Variants in LPAR3 observed in about 807,000 individuals in gnomAD.
The protein encoded by LPAR3 is lysophosphatidic acid receptor 3.
LPAR3 carries 7 observed loss-of-function variants against 17.8 expected under a neutral mutation model. The observed-to-expected ratio is 0.39, with a 90% CI of 0.22 to 0.74. LPAR3 has a LOEUF of 0.74. Among genes scored for constraint, LPAR3 ranks in the 30% least tolerant of loss-of-function variants. The probability of loss-of-function intolerance (pLI) is 0.40; values close to 1 mark genes in which losing one functional copy is unlikely to be tolerated. For synonymous variants in LPAR3, 179 were observed against 179.9 expected, an observed-to-expected ratio of 0.99 and a Z score of 0.04; for missense variants, 391 against 453.4, an observed-to-expected ratio of 0.86 and a Z score of 1.25.
At chr1:84,887,127 G>T (rs1364953037) in intron 1 of LPAR3, among the ~76,000 whole-genome samples, 1 of 152,084 alleles carries the variant, frequency 6.6e-6, no homozygotes, top group African/African-American at 2.4e-5. Context: ...CACTTTGGGA[G>T]GCCAAGGCAG....
chr1:84,865,257 C>T lies in LPAR3; in HGVS notation c.736+128G>A, dbSNP rs970998946. On this transcript the variant is annotated intron_variant, in intron 2 of 2. Coordinates refer to ENST00000370611, the MANE Select transcript of LPAR3 (RefSeq NM_012152.3). ...TAGAGTGTAAGCTCCAGGTGGGTGG[C>T]GATTTATGTCCGTTCTTGTTCACTG... 2.3e-4 allele frequency: 236 copies of T among 1,009,106 alleles called. 1 individual carries two copies. Among genetic ancestry groups the T allele is most frequent in the Middle Eastern group, 2.2e-4 (1 of 4,516 alleles). The allele number at this position is 1,009,106 out of a possible 1,614,324, so 62.5% of individuals were successfully genotyped here.
chr1:84,892,807 G>A (rs553343481), intron 1 of LPAR3, among the ~76,000 whole-genome samples: 2 of 152,350 alleles, frequency 1.3e-5, no homozygotes, highest in East Asian at 3.9e-4. Context: ...GGAAAAAGGT[G>A]GGAAAAGAGC....
In LPAR3 at chr1:84,813,160, G is replaced by GT. The variant is rs1658853769; in HGVS notation, c.*685_*686insA. 1 of 99,526 alleles carries GT rather than the reference G, an allele frequency of 1.0e-5. No homozygotes were observed. Among genetic ancestry groups the GT allele is most frequent in the African/African-American group, 4.4e-5 (1 of 22,608 alleles). 6.2% of individuals were successfully genotyped at this position (99,526 alleles called of 1,614,324 possible). The stretch of plus-strand genomic sequence containing the variant: ...ATATATATATATATATATATATATA[G>GT]ACACACACACACACACACACACACA... On this transcript the variant is annotated 3_prime_UTR_variant, in exon 3 of 3. Coordinates refer to ENST00000370611, the MANE Select transcript of LPAR3 (RefSeq NM_012152.3).
chr1:84,854,284 C>T (rs1276376955), intron 2 of LPAR3, among the ~76,000 whole-genome samples: 2 of 152,208 alleles, frequency 1.3e-5, no homozygotes, highest in African/African-American at 2.4e-5. Flanking sequence ...CCTTTCCTCT[C>T]CACCTGTTAC....
intron 2 of LPAR3, among the ~76,000 whole-genome samples, chr1:84,863,555 G>T (rs1436862447): frequency 6.6e-6 from 1 of 152,156 alleles, no homozygotes; most frequent in African/African-American, 2.4e-5. Context: ...TTACACTGGA[G>T]GGCCTGCCCT....
chr1:84,883,387 T>C (rs1049472746), intron 1 of LPAR3, among the ~76,000 whole-genome samples: 2 of 152,198 alleles, frequency 1.3e-5, no homozygotes, highest in Non-Finnish European at 2.9e-5. Context: ...CACTAGCTGG[T>C]GTTTTTCATT....
At position 84,813,158 on chromosome 1, in the gene LPAR3, T is replaced by TATATATATAGAGAGAGAGAGAGAGAG. The variant is rs1206774677; in HGVS notation, c.*687_*688insCTCTCTCTCTCTCTCTCTATATATAT. The TATATATATAGAGAGAGAGAGAGAGAG allele has an allele frequency of 5.9e-5, 6 of 101,668 alleles. No individual in the cohort carries two copies. Among genetic ancestry groups the TATATATATAGAGAGAGAGAGAGAGAG allele is most frequent in the Non-Finnish European group, 1.3e-4 (6 of 47,316 alleles). 6.3% of individuals were successfully genotyped at this position (101,668 alleles called of 1,614,324 possible). A position where few individuals can be genotyped will look rare whatever the true frequency, so the allele number is the denominator to read the frequency against. On this transcript the variant is annotated 3_prime_UTR_variant, in exon 3 of 3. Transcript: ENST00000370611. ...ATATATATATATATATATATATATA[T>TATATATATAGAGAGAGAGAGAGAGAG]AGACACACACACACACACACACACA...
chr1:84,873,935 T>C (rs972614418), intron 1 of LPAR3, among the ~76,000 whole-genome samples: 3 of 152,122 alleles, frequency 2.0e-5, no homozygotes, highest in Admixed American at 6.5e-5. Context: ...GTATTATTAG[T>C]AGAGACGGGG....
chr1:84,819,878 C>G (rs1659016985), intron 2 of LPAR3, among the ~76,000 whole-genome samples: 1 of 152,160 alleles, frequency 6.6e-6, no homozygotes, highest in Non-Finnish European at 1.5e-5. Flanking sequence ...ATCTCTTCCA[C>G]CACAGTGTCC....
At chr1:84,891,388 C>T (rs916581835) in intron 1 of LPAR3, among the ~76,000 whole-genome samples, 3 of 152,186 alleles carry the variant, frequency 2.0e-5, no homozygotes, top group Non-Finnish European at 4.4e-5. Flanking sequence ...CTTGCTGTCT[C>T]AAGGCACAAG....
At chr1:84,882,628 T>G (rs1660386916) in intron 1 of LPAR3, among the ~76,000 whole-genome samples, 1 of 152,150 alleles carries the variant, frequency 6.6e-6, no homozygotes, top group Non-Finnish European at 1.5e-5. Flanking sequence ...TGGCATAAAG[T>G]CCAACATATA....
At chr1:84,858,261 C>A (rs1478056710) in intron 2 of LPAR3, among the ~76,000 whole-genome samples, 1 of 152,056 alleles carries the variant, frequency 6.6e-6, no homozygotes, top group African/African-American at 2.4e-5. Flanking sequence ...ATGGGCAGAT[C>A]ACTTGAGGCC....
In LPAR3 at chr1:84,859,029, G is replaced by A. The variant is rs185958373; in HGVS notation, c.736+6356C>T. On this transcript the variant is annotated intron_variant, in intron 2 of 2. Transcript: ENST00000370611. ...CTTAAAGAGACAAAATGGGGGAAGCGCAAATAATTCATTATAGCTTGAGTA... is the reference window on the plus strand; with the variant it reads ...CTTAAAGAGACAAAATGGGGGAAGCACAAATAATTCATTATAGCTTGAGTA... 1.8e-4 allele frequency among the ~76,000 whole-genome samples: 27 copies of A among 152,302 alleles called. No homozygotes were observed. In the East Asian group the frequency reaches 4.6e-3, roughly 26 times the overall value.
chr1:84,882,353 G>A (rs1181908912), intron 1 of LPAR3, among the ~76,000 whole-genome samples: 1 of 151,964 alleles, frequency 6.6e-6, no homozygotes, highest in Non-Finnish European at 1.5e-5. Flanking sequence ...ACAAATAGAG[G>A]TAAATACATT....
intron 2 of LPAR3, among the ~76,000 whole-genome samples, chr1:84,824,570 C>T (rs890051126): frequency 6.6e-6 from 1 of 152,164 alleles, no homozygotes; most frequent in African/African-American, 2.4e-5. Flanking sequence ...ATCAGATCAC[C>T]TTCCTGGGCC....
intron 1 of LPAR3, among the ~76,000 whole-genome samples, chr1:84,883,511 A>G (rs1660401704): frequency 6.6e-6 from 1 of 152,234 alleles, no homozygotes; most frequent in South Asian, 2.1e-4. Context: ...TACTTCCTCT[A>G]AACCACTCCT....
chr1:84,870,968 C>A (rs1660148693), intron 1 of LPAR3, among the ~76,000 whole-genome samples: 1 of 152,182 alleles, frequency 6.6e-6, no homozygotes, highest in Admixed American at 6.5e-5. Context: ...AGAGGGCATT[C>A]TAAATAGCCT....
At chr1:84,874,098 C>T (rs140611545) in intron 1 of LPAR3, among the ~76,000 whole-genome samples, 1 of 152,294 alleles carries the variant, frequency 6.6e-6, no homozygotes, top group Non-Finnish European at 1.5e-5. Flanking sequence ...TTGCTCTGAT[C>T]TGGATCCTGT....
intron 1 of LPAR3, among the ~76,000 whole-genome samples, chr1:84,892,237 A>G (rs933755328): frequency 6.8e-6 from 1 of 147,812 alleles, no homozygotes. Context: ...AAATAAATAA[A>G]TAAATAAATA....
Sources: gnomAD v4.1 joint callset for allele counts (sites outside exome capture counted in the v4.1 genomes callset) on GRCh38, gnomAD v4.1.1 for gene constraint, MANE v1.5 for transcripts, NCBI Gene and HGNC (gene_info 2026-07-23, HGNC 2026-07-21) for gene names.